Variants in PIEZO2 observed in about 807,000 individuals in gnomAD.
The protein encoded by PIEZO2 is piezo type mechanosensitive ion channel component 2.
PIEZO2 carries 172 observed loss-of-function variants against 337.3 expected under a neutral mutation model. The ratio of observed to expected loss-of-function variants is 0.51; its 90% confidence interval spans 0.45 to 0.58. The LOEUF is 0.58. Ranked by LOEUF, PIEZO2 falls within the 20% of genes least tolerant of loss-of-function variation. The pLI is 0.00. For missense variants in PIEZO2, 3,028 were observed against 3,391.3 expected (o/e 0.89, Z 2.66); for synonymous variants, 1,251 against 1,228.5 (o/e 1.02, Z -0.38).
At chr18:10,701,954 C>A (rs1026252382) in intron 43 of PIEZO2, 35 bp downstream of exon 43, 4 of 1,460,804 alleles carry the variant, frequency 2.7e-6, no homozygotes, top group African/African-American at 2.9e-5. Context: ...AGGAAGATGA[C>A]CAACTTGAAC....
chr18:10,931,238 C>T (rs1356611958), intron 3 of PIEZO2, among the ~76,000 whole-genome samples: 3 of 152,052 alleles, frequency 2.0e-5, no homozygotes, highest in Non-Finnish European at 4.4e-5. Context: ...CTCTGTTTGT[C>T]GCCCAGGCTG....
In PIEZO2 at chr18:10,726,966, C is replaced by T; in HGVS notation, c.5029+4441G>A. ...GTAGGTTGAGGGCTGCAGACAGAGG[C>T]CCTGGACAGAAGCTCCAGATAGGCC... On this transcript the variant is annotated intron_variant, in intron 36 of 55. Coordinates refer to ENST00000674853, the MANE Select transcript of PIEZO2 (RefSeq NM_001378183.1). This position sits in a 1 kb window ranked among gnomAD's most constrained non-coding sequence, Gnocchi z 5.9. The T allele has an allele frequency of 7.4e-7, 1 of 1,352,746 alleles. No individual in the cohort carries two copies. 83.8% of individuals were successfully genotyped at this position (1,352,746 alleles called of 1,614,324 possible). A position where few individuals can be genotyped will look rare whatever the true frequency, so the allele number is the denominator to read the frequency against.
intron 7 of PIEZO2, among the ~76,000 whole-genome samples, chr18:10,809,720 A>G (rs1174467741): frequency 6.6e-6 from 1 of 152,096 alleles, no homozygotes; most frequent in Non-Finnish European, 1.5e-5. Flanking sequence ...AATTTACTCA[A>G]TGTTTGTTTC....
At chr18:10,922,636 G>C (rs1374472770) in intron 3 of PIEZO2, among the ~76,000 whole-genome samples, 2 of 152,096 alleles carry the variant, frequency 1.3e-5, no homozygotes, top group African/African-American at 4.8e-5. Flanking sequence ...TCTGAGAGCA[G>C]AGGAAACAGA....
chr18:10,910,229 T>C (rs1315035295), intron 4 of PIEZO2, among the ~76,000 whole-genome samples: 3 of 152,206 alleles, frequency 2.0e-5, no homozygotes, highest in African/African-American at 7.2e-5. Flanking sequence ...AGATGCTAAA[T>C]GCCACTGGTA....
At chr18:11,036,794 C>A (rs1055885236) in intron 2 of PIEZO2, among the ~76,000 whole-genome samples, 4 of 152,216 alleles carry the variant, frequency 2.6e-5, no homozygotes, top group South Asian at 2.1e-4. Context: ...TTATTCTCCT[C>A]ATGGGTAAGT....
rs1044017251 is a variant in PIEZO2, at chr18:10,819,148, T to C, written c.918-11874A>G. Among the ~76,000 whole-genome samples the C allele has an allele frequency of 3.3e-5, 5 of 152,198 alleles. No individual in the cohort carries two copies. Among genetic ancestry groups the C allele is most frequent in the African/African-American group, 1.2e-4 (5 of 41,458 alleles). ...CACCTAGACTCTTTACAGTAAAGCA[T>C]TGATGAAATTAACAATAAAAAGGTA... On this transcript the variant is annotated intron_variant, in intron 7 of 55. Coordinates refer to ENST00000674853, the MANE Select transcript of PIEZO2 (RefSeq NM_001378183.1). This position sits in a 1 kb window ranked among gnomAD's most constrained non-coding sequence, Gnocchi z 4.3.
intron 1 of PIEZO2, among the ~76,000 whole-genome samples, chr18:11,068,409 A>G (rs768736108): frequency 6.6e-6 from 1 of 152,234 alleles, no homozygotes; most frequent in Non-Finnish European, 1.5e-5. Context: ...CGGAAATTAA[A>G]CAACACGCTC....
At chr18:10,867,000 G>T (rs569829723) in intron 5 of PIEZO2, among the ~76,000 whole-genome samples, 3 of 152,118 alleles carry the variant, frequency 2.0e-5, no homozygotes, top group Admixed American at 2.0e-4. Flanking sequence ...AAAGGGAGTC[G>T]CCCACTTTAC....
At chr18:11,015,871 A>G (rs1015450438) in intron 2 of PIEZO2, among the ~76,000 whole-genome samples, 1 of 152,268 alleles carries the variant, frequency 6.6e-6, no homozygotes, top group African/African-American at 2.4e-5. Context: ...GTTCACATGC[A>G]CACATGTTCA....
chr18:10,985,162 G>T (rs1255481667), intron 2 of PIEZO2, among the ~76,000 whole-genome samples: 1 of 152,078 alleles, frequency 6.6e-6, no homozygotes, highest in Non-Finnish European at 1.5e-5. Flanking sequence ...CACTGGTAGA[G>T]ATAAGTTCAT....
In PIEZO2 at chr18:10,748,604, G is replaced by A. The variant is rs1364982210; in HGVS notation, c.4291C>T (p.Pro1431Ser). Residue 1431 changes from proline (P) to serine (S), a missense_variant, in exon 30 of 56, where the codon CCC (proline) becomes TCC (serine). Transcript: ENST00000674853. This position sits in a 1 kb window ranked among gnomAD's most constrained non-coding sequence, Gnocchi z 5.1. ...CAAATGATTCCTGCTTCCCCACTGG[G>A]AAGTGTACAGGGTGAATTAGCAGCA... ...MPAANSPCTL[P>S]SGEAGIIWDS... 6.6e-7 allele frequency: 1 copy of A among 1,524,390 alleles called. No homozygotes were observed. The allele number at this position is 1,524,390 out of a possible 1,614,324, so 94.4% of individuals were successfully genotyped here.
chr18:10,861,032 A>G lies in PIEZO2; in HGVS notation c.493-3821T>C, dbSNP rs2041857603. Among the ~76,000 whole-genome samples the G allele has an allele frequency of 6.6e-6, 1 of 152,218 alleles. No individual in the cohort carries two copies. Among genetic ancestry groups the G allele is most frequent in the Non-Finnish European group, 1.5e-5 (1 of 68,038 alleles). On this transcript the variant is annotated intron_variant, in intron 5 of 55. Coordinates refer to ENST00000674853, the MANE Select transcript of PIEZO2 (RefSeq NM_001378183.1). The surrounding 1 kb of genome is among the most constrained non-coding windows in gnomAD (Gnocchi z 4.3). ...ACTGTCCTGGTAGGTCAGGGCCAGA[A>G]CTGCCATTAGTCACGTCAGGCTGGC...
chr18:10,773,802 G>A lies in PIEZO2; in HGVS notation c.2568-173C>T, dbSNP rs951632435. ...TTTTTGGTTGGTTTGTTTGTTTTAA[G>A]TTCTTTCTAAAAACAAACTGTAAAC... On this transcript the variant is annotated intron_variant, in intron 19 of 55. Transcript: ENST00000674853. This position sits in a 1 kb window ranked among gnomAD's most constrained non-coding sequence, Gnocchi z 5.3. Among the ~76,000 whole-genome samples the A allele has an allele frequency of 2.0e-5, 3 of 152,214 alleles. No individual in the cohort carries two copies. The highest frequency in any genetic ancestry group is 2.9e-5 in the Non-Finnish European group (2 of 68,030).
rs985683144 is a variant in PIEZO2, at chr18:10,726,487, C to A, written c.5029+4920G>T. ...AGGAGGGCCTGGCCACCCTGCACAGCGTGCTGCTCCGCAAGCAGCCGTTCC... is the reference window on the plus strand; with the variant it reads ...AGGAGGGCCTGGCCACCCTGCACAGAGTGCTGCTCCGCAAGCAGCCGTTCC... On this transcript the variant is annotated intron_variant, in intron 36 of 55. Coordinates refer to ENST00000674853, the MANE Select transcript of PIEZO2 (RefSeq NM_001378183.1). The surrounding 1 kb of genome is among the most constrained non-coding windows in gnomAD (Gnocchi z 5.9). The A allele has an allele frequency of 5.1e-5, 77 of 1,508,918 alleles. No homozygotes were observed. In the African/African-American group the frequency reaches 1.0e-3, roughly 20 times the overall value. 93.5% of individuals were successfully genotyped at this position (1,508,918 alleles called of 1,614,324 possible).
chr18:11,129,274 G>A lies in PIEZO2; in HGVS notation c.64+19251C>T, dbSNP rs2040271061. ...CTCAACTACAAAACTTAAATACAAT[G>A]AGAATAATTGGATCCCGAGGTGGCA... On this transcript the variant is annotated intron_variant, in intron 1 of 55. Coordinates refer to ENST00000674853, the MANE Select transcript of PIEZO2 (RefSeq NM_001378183.1). The surrounding 1 kb of genome is among the most constrained non-coding windows in gnomAD (Gnocchi z 4.6). Among the ~76,000 whole-genome samples, 1 of 152,200 alleles carries A rather than the reference G, an allele frequency of 6.6e-6. No individual in the cohort carries two copies. Among genetic ancestry groups the A allele is most frequent in the African/African-American group, 2.4e-5 (1 of 41,464 alleles).
chr18:10,906,781 G>A (rs1278431286), intron 4 of PIEZO2, among the ~76,000 whole-genome samples: 1 of 151,952 alleles, frequency 6.6e-6, no homozygotes, highest in African/African-American at 2.4e-5. Context: ...GGCTGGTCTC[G>A]AACTCCTGAG....
chr18:10,800,529 T>C (rs2039775556), intron 10 of PIEZO2, 54 bp from the exon 11 acceptor site: 2 of 1,480,584 alleles, frequency 1.4e-6, no homozygotes, highest in South Asian at 1.3e-5. Flanking sequence ...GGGTTTTCAA[T>C]GCAGACATAC....
At chr18:11,024,141 G>A (rs1214795538) in intron 2 of PIEZO2, among the ~76,000 whole-genome samples, 1 of 152,240 alleles carries the variant, frequency 6.6e-6, no homozygotes, top group Non-Finnish European at 1.5e-5. Flanking sequence ...GCCTGAGTGG[G>A]CGCCAAGGCC....
Sources: gnomAD v4.1 joint callset for allele counts (sites outside exome capture counted in the v4.1 genomes callset) on GRCh38, gnomAD v4.1.1 for gene constraint, Gnocchi (gnomAD v3.1) non-coding constraint, MANE v1.5 for transcripts, NCBI Gene and HGNC (gene_info 2026-07-23, HGNC 2026-07-21) for gene names.